NOXRED1: variants seen among roughly 807,000 people sequenced by gnomAD.
NOXRED1 encodes the protein NADP dependent oxidoreductase domain containing 1.
NOXRED1 carries 20 observed loss-of-function variants against 30.4 expected under a neutral mutation model. The ratio of observed to expected loss-of-function variants is 0.66; its 90% CI spans 0.46 to 0.96. The LOEUF (loss-of-function observed/expected upper bound fraction) is 0.96. Ranked by LOEUF, NOXRED1 falls within the 40% of genes least tolerant of loss-of-function variation. The pLI is 0.00. For missense variants in NOXRED1, 374 were observed against 428.0 expected (o/e 0.87, Z 1.11); for synonymous variants, 155 against 168.0 (o/e 0.92, Z 0.60).
At chr14:77,425,249 C>T (rs1446543641), upstream of NOXRED1, among the ~76,000 whole-genome samples, 3 of 152,162 alleles carry the variant, frequency 2.0e-5, no homozygotes, top group Non-Finnish European at 4.4e-5. Flanking sequence ...GTTAAACACA[C>T]CCTCCAGCTG....
intron 1 of NOXRED1, among the ~76,000 whole-genome samples, chr14:77,414,463 G>C (rs1448928514): frequency 6.6e-6 from 1 of 152,146 alleles, no homozygotes; most frequent in Non-Finnish European, 1.5e-5. Flanking sequence ...ACAGGCGAGA[G>C]CCACCGCACC....
intron 1 of NOXRED1, among the ~76,000 whole-genome samples, chr14:77,421,187 T>C (rs1179962257): frequency 6.6e-6 from 1 of 152,232 alleles, no homozygotes; most frequent in African/African-American, 2.4e-5. Context: ...AGGAAAGGGA[T>C]ATCTTAGGTG....
At chr14:77,398,003 G>T (rs529296261) in intron 5 of NOXRED1, among the ~76,000 whole-genome samples, 1 of 152,148 alleles carries the variant, frequency 6.6e-6, no homozygotes, top group Non-Finnish European at 1.5e-5. Flanking sequence ...AACTCTTTTA[G>T]ATGTGTAAGA....
At chr14:77,398,447 G>A (rs566198226) in intron 5 of NOXRED1, among the ~76,000 whole-genome samples, 14 of 152,266 alleles carry the variant, frequency 9.2e-5, no homozygotes, top group African/African-American at 2.9e-4. Context: ...AACTGACCTG[G>A]GGGAAGAGAA....
At chr14:77,405,409 T>C (rs1894430772) in intron 5 of NOXRED1, among the ~76,000 whole-genome samples, 1 of 151,686 alleles carries the variant, frequency 6.6e-6, no homozygotes, top group Non-Finnish European at 1.5e-5. Flanking sequence ...TAAAATAAAA[T>C]AAAATAAAGA....
chr14:77,411,603 T>C (rs1384324462), intron 2 of NOXRED1, among the ~76,000 whole-genome samples: 1 of 151,984 alleles, frequency 6.6e-6, no homozygotes, highest in Non-Finnish European at 1.5e-5. Flanking sequence ...CACTAATCTA[T>C]GGTGACAGAA....
At chr14:77,402,934 C>G (rs1894365657) in intron 5 of NOXRED1, among the ~76,000 whole-genome samples, 1 of 151,806 alleles carries the variant, frequency 6.6e-6, no homozygotes, top group South Asian at 2.1e-4. Context: ...ACTTGGGAGG[C>G]TGAGGCAGGA....
In NOXRED1 at chr14:77,394,690, A is replaced by G; in HGVS notation, c.1021T>C (p.Phe341Leu). 1 of 1,613,556 alleles carries G rather than the reference A, an allele frequency of 6.2e-7. No homozygotes were observed. The highest frequency in any genetic ancestry group is 8.5e-7 in the Non-Finnish European group (1 of 1,179,562). ...TGTTCTTTGGTTAGGGAGATGCCAA[A>G]TGAAGCACAGTATAGATGGGTAAGG... is the stretch of plus-strand genomic sequence containing the variant. ...DHLTHLYCAS[F>L]GISLTKEQPV... is the part of the protein sequence containing the mutation. Residue 341 changes from phenylalanine to leucine, a missense_variant, in exon 6 of 6, where the codon TTT becomes CTT. Transcript: ENST00000380835.
chr14:77,399,737 C>T (rs994678721), intron 5 of NOXRED1, among the ~76,000 whole-genome samples: 1 of 151,898 alleles, frequency 6.6e-6, no homozygotes, highest in Admixed American at 6.6e-5. Context: ...GACTGTGGGA[C>T]AACTACAAAA....
At chr14:77,425,950 GTGTGGT>G (rs1895111628), upstream of NOXRED1, among the ~76,000 whole-genome samples, 1 of 152,248 alleles carries the variant, frequency 6.6e-6, no homozygotes, top group Non-Finnish European at 1.5e-5. Flanking sequence ...TGTTAGCTGG[GTGTGGT>G]GGCACGTGCC....
intron 1 of NOXRED1, among the ~76,000 whole-genome samples, chr14:77,418,921 C>T (rs1894907286): frequency 6.6e-6 from 1 of 152,258 alleles, no homozygotes; most frequent in South Asian, 2.1e-4. Flanking sequence ...TCACCTTTGC[C>T]AGAGAGCTTT....
chr14:77,416,132 A>C (rs1894815252), intron 1 of NOXRED1, among the ~76,000 whole-genome samples: 1 of 152,184 alleles, frequency 6.6e-6, no homozygotes, highest in Non-Finnish European at 1.5e-5. Context: ...CTTTTTGTAC[A>C]TGGCTAATTT....
chr14:77,413,869 A>G, intron 2 of NOXRED1, 65 bp downstream of exon 2: 1 of 1,171,876 alleles, frequency 8.5e-7, no homozygotes, highest in Non-Finnish European at 1.2e-6. Flanking sequence ...GACCCTTTCA[A>G]AATGGCTTTG....
chr14:77,397,732 C>T (rs2139662438), intron 5 of NOXRED1, among the ~76,000 whole-genome samples: 1 of 151,948 alleles, frequency 6.6e-6, no homozygotes, highest in African/African-American at 2.4e-5. Flanking sequence ...ACTAAAAATA[C>T]AAAAAAGTCA....
At chr14:77,419,154 C>A (rs1894916675) in intron 1 of NOXRED1, among the ~76,000 whole-genome samples, 1 of 151,434 alleles carries the variant, frequency 6.6e-6, no homozygotes, top group Non-Finnish European at 1.5e-5. Context: ...TCACTGCAAC[C>A]TCTGCCTCCC....
chr14:77,413,812 G>T (rs1217858162), intron 2 of NOXRED1, 122 bp downstream of exon 2: 4 of 589,688 alleles, frequency 6.8e-6, no homozygotes, highest in Non-Finnish European at 1.1e-5. Flanking sequence ...CTTAGGGCTA[G>T]CAAGCTGAGA....
chr14:77,413,309 G>A (rs1894711456), intron 2 of NOXRED1, among the ~76,000 whole-genome samples: 1 of 149,540 alleles, frequency 6.7e-6, no homozygotes, highest in South Asian at 2.1e-4. Context: ...TGTGATCTCA[G>A]CTCACTGCAA....
At chr14:77,397,590 GA>G (rs1055650550) in intron 5 of NOXRED1, among the ~76,000 whole-genome samples, 1 of 151,890 alleles carries the variant, frequency 6.6e-6, no homozygotes, top group African/African-American at 2.4e-5. Flanking sequence ...TCAAAATAAA[GA>G]AAAAAATTAT....
At chr14:77,404,696 A>G (rs1422288167) in intron 5 of NOXRED1, among the ~76,000 whole-genome samples, 2 of 152,090 alleles carry the variant, frequency 1.3e-5, no homozygotes, top group African/African-American at 4.8e-5. Context: ...GCAGAGGAGA[A>G]GCTAGCCAAG....
Sources: gnomAD v4.1 joint callset for allele counts (sites outside exome capture counted in the v4.1 genomes callset) on GRCh38, gnomAD v4.1.1 for gene constraint, MANE v1.5 for transcripts, NCBI Gene and HGNC (gene_info 2026-07-23, HGNC 2026-07-21) for gene names.